ACSL6: variants seen among roughly 807,000 people sequenced by gnomAD.
ACSL6 encodes the protein acyl-CoA synthetase long chain family member 6.
In ACSL6, 47 loss-of-function variants were observed where a neutral mutation model predicts 98.2. The observed-to-expected ratio is 0.48, with a 90% CI of 0.38 to 0.61. ACSL6 has a LOEUF of 0.61. Ranked by LOEUF, ACSL6 falls within the 20% of genes least tolerant of loss-of-function variation. The pLI, the probability that ACSL6 is intolerant of heterozygous loss-of-function variation, is 0.00. For synonymous variants in ACSL6, 362 were observed against 336.9 expected, an observed-to-expected ratio of 1.07 and a Z score of -0.82; for missense variants, 761 against 913.4, an observed-to-expected ratio of 0.83 and a Z score of 2.15.
At chr5:131,969,542 T>C (rs1005863304) in intron 15 of ACSL6, among the ~76,000 whole-genome samples, 2 of 152,152 alleles carry the variant, frequency 1.3e-5, no homozygotes, top group Admixed American at 1.3e-4. Flanking sequence ...GATCACAAGA[T>C]ACAACTCCAG....
At chr5:131,988,372 C>T (rs1457753363) in intron 6 of ACSL6, 146 bp from the exon 7 acceptor site, 11 of 1,288,848 alleles carry the variant, frequency 8.5e-6, no homozygotes, top group African/African-American at 4.4e-5. Flanking sequence ...AGACAGGCCT[C>T]GTGTACAGAG....
At chr5:131,981,991 G>A (rs985242163) in intron 9 of ACSL6, 1 of 152,244 alleles carries the variant, frequency 6.6e-6, no homozygotes, top group Non-Finnish European at 1.5e-5. Flanking sequence ...CAAGTAGCTA[G>A]GACTACAGGC....
chr5:132,008,829 C>T (rs988504083), intron 1 of ACSL6, among the ~76,000 whole-genome samples: 3 of 152,210 alleles, frequency 2.0e-5, no homozygotes, highest in Non-Finnish European at 4.4e-5. Context: ...TTAGACCCTG[C>T]GGCATGGGGC....
intron 1 of ACSL6, among the ~76,000 whole-genome samples, chr5:132,002,427 G>C (rs1755136987): frequency 6.6e-6 from 1 of 152,204 alleles, no homozygotes; most frequent in African/African-American, 2.4e-5. Context: ...GGTGGCTGGG[G>C]TACAAGCAGG....
At chr5:132,008,503 A>G (rs1264060915) in intron 1 of ACSL6, among the ~76,000 whole-genome samples, 2 of 152,162 alleles carry the variant, frequency 1.3e-5, no homozygotes, top group African/African-American at 2.4e-5. Context: ...TCCTTGGACC[A>G]CATCTATTCT....
chr5:132,004,792 A>G (rs999658322), intron 1 of ACSL6, among the ~76,000 whole-genome samples: 1 of 152,168 alleles, frequency 6.6e-6, no homozygotes, highest in African/African-American at 2.4e-5. Flanking sequence ...ATTTCTCTCT[A>G]AACCCTCCCT....
intron 1 of ACSL6, among the ~76,000 whole-genome samples, chr5:132,008,459 TCTC>T: frequency 6.6e-6 from 1 of 152,278 alleles, no homozygotes; most frequent in Admixed American, 6.5e-5. Context: ...GCTTATCTCT[TCTC>T]CTTACTGGAG....
At chr5:131,988,497 G>A in intron 6 of ACSL6, 1 of 1,591,684 alleles carries the variant, frequency 6.3e-7, no homozygotes, top group Non-Finnish European at 8.6e-7. Flanking sequence ...AGGTCTGTTT[G>A]AGATATTTAC....
intron 15 of ACSL6, among the ~76,000 whole-genome samples, chr5:131,969,903 C>T (rs1282858785): frequency 6.6e-6 from 1 of 152,156 alleles, no homozygotes; most frequent in Non-Finnish European, 1.5e-5. Context: ...AGACCAGATT[C>T]TTCCAGTGTG....
intron 9 of ACSL6, among the ~76,000 whole-genome samples, chr5:131,977,384 G>C (rs1334637636): frequency 6.6e-6 from 1 of 152,198 alleles, no homozygotes; most frequent in Non-Finnish European, 1.5e-5. Flanking sequence ...GGGATCCCAG[G>C]CACAGCAGGC....
chr5:132,005,364 G>C (rs996153745), intron 1 of ACSL6, among the ~76,000 whole-genome samples: 8 of 152,200 alleles, frequency 5.3e-5, no homozygotes, highest in African/African-American at 1.9e-4. Context: ...AGGGGTCACT[G>C]CAGGCCTGGA....
chr5:131,966,458 G>T lies in ACSL6; in HGVS notation c.1671C>A (p.Ser557Arg). ...TGTCTCCAGTGTGAAGCCAGCCATC[G>T]CTGTCCAGGGCCTCCTTCGTCCTGT... is the stretch of plus-strand genomic sequence containing the variant. ...DPDRTKEALD[S>R]DGWLHTGDIG... The change falls in exon 17 of 21, where the codon AGC becomes AGA. Residue 557 changes from serine (S) to arginine (R), a missense_variant. Coordinates refer to ENST00000651883, the MANE Select transcript of ACSL6 (RefSeq NM_001009185.3). 6.2e-7 allele frequency: 1 copy of T among 1,614,156 alleles called. No homozygotes were observed. The highest frequency in any genetic ancestry group is 8.5e-7 in the Non-Finnish European group (1 of 1,180,030).
intron 1 of ACSL6, chr5:132,006,493 C>T (rs1049870828): frequency 6.6e-6 from 1 of 152,344 alleles, no homozygotes; most frequent in African/African-American, 2.4e-5. Context: ...ACTCCCCTAA[C>T]CCCACCAATC....
chr5:132,011,351 T>G lies in ACSL6; in HGVS notation c.49+154A>C. On this transcript the variant is annotated intron_variant, in intron 1 of 20. Coordinates refer to ENST00000651883, the MANE Select transcript of ACSL6 (RefSeq NM_001009185.3). This position sits in a 1 kb window ranked among gnomAD's most constrained non-coding sequence, Gnocchi z 5.4. ...GCCCGCGAGAACTGGGGGCGGAGGG[T>G]GTACTTAGGCGGCCCTGGGGACCTT... 2.7e-6 allele frequency: 2 copies of G among 750,556 alleles called. No individual in the cohort carries two copies. Among genetic ancestry groups the G allele is most frequent in the East Asian group, 3.2e-5 (1 of 31,174 alleles). The allele number at this position is 750,556 out of a possible 1,614,324, so 46.5% of individuals were successfully genotyped here. A position where few individuals can be genotyped will look rare whatever the true frequency, so the allele number is the denominator to read the frequency against.
rs79768535 is a variant in ACSL6 at position 131,957,630 on chromosome 5, A to T, written c.2031+1906T>A. On this transcript the variant is annotated intron_variant, in intron 20 of 20. Coordinates refer to ENST00000651883, the MANE Select transcript of ACSL6 (RefSeq NM_001009185.3). ...GTTGAATGACTTAAACTTTGGATATAGAACTTGAATTCGTTATTTCTGTGT... is the reference window on the plus strand; with the variant it reads ...GTTGAATGACTTAAACTTTGGATATTGAACTTGAATTCGTTATTTCTGTGT... Among the ~76,000 whole-genome samples, 1,188 of 152,366 alleles carry T rather than the reference A, an allele frequency of 7.8e-3. 13 individuals carry two copies. The highest frequency in any genetic ancestry group is 0.02 in the African/African-American group (826 of 41,588).
At chr5:132,006,736 T>C (rs1755428932) in intron 1 of ACSL6, 1 of 152,238 alleles carries the variant, frequency 6.6e-6, no homozygotes, top group Non-Finnish European at 1.5e-5. Context: ...CCAGAAGCTG[T>C]GGGTTCACTA....
intron 1 of ACSL6, among the ~76,000 whole-genome samples, chr5:132,001,314 C>A (rs927295971): frequency 3.3e-5 from 5 of 152,176 alleles, no homozygotes; most frequent in African/African-American, 7.2e-5. Context: ...ACATGTACAA[C>A]CCTGACCTGC....
At chr5:131,959,017 GA>G (rs1752562334) in intron 20 of ACSL6, among the ~76,000 whole-genome samples, 1 of 151,680 alleles carries the variant, frequency 6.6e-6, no homozygotes, top group Non-Finnish European at 1.5e-5. Context: ...ATTACAGTAA[GA>G]ACCCAACCTT....
chr5:131,990,707 A>G (rs978587374), intron 3 of ACSL6, 146 bp downstream of exon 3: 5 of 697,944 alleles, frequency 7.2e-6, no homozygotes, highest in Non-Finnish European at 1.2e-5. Flanking sequence ...GACTGGTGGG[A>G]GAAAGGCCAG....
Sources: gnomAD v4.1 joint callset for allele counts (sites outside exome capture counted in the v4.1 genomes callset) on GRCh38, gnomAD v4.1.1 for gene constraint, Gnocchi (gnomAD v3.1) non-coding constraint, MANE v1.5 for transcripts, NCBI Gene and HGNC (gene_info 2026-07-23, HGNC 2026-07-21) for gene names.